SGMS2: variants seen among roughly 807,000 people sequenced by gnomAD.
SGMS2 encodes the protein sphingomyelin synthase 2.
SGMS2 carries 21 observed loss-of-function variants against 43.8 expected under a neutral mutation model. That is an observed-to-expected ratio of 0.48 (90% CI 0.34 to 0.69). The LOEUF (loss-of-function observed/expected upper bound fraction) is 0.69, where lower values mean the gene tolerates loss of function less well. SGMS2 is among the 30% of genes least tolerant of loss of function. The pLI is 0.01. For synonymous variants in SGMS2, 167 were observed against 160.6 expected (o/e 1.04, Z -0.30); for missense variants, 384 against 443.2 (o/e 0.87, Z 1.20).
At chr4:107,873,686 G>T (rs1728707671) in intron 2 of SGMS2, among the ~76,000 whole-genome samples, 1 of 151,972 alleles carries the variant, frequency 6.6e-6, no homozygotes, top group Non-Finnish European at 1.5e-5. Flanking sequence ...AGTTTTAATT[G>T]TGGTTCTGTA....
intron 2 of SGMS2, among the ~76,000 whole-genome samples, chr4:107,887,189 TCA>T (rs1436920475): frequency 2.0e-5 from 3 of 152,190 alleles, no homozygotes; most frequent in African/African-American, 7.2e-5. Flanking sequence ...TATTCTGATG[TCA>T]CAGTCTCCAC....
At chr4:107,848,473 A>C in intron 1 of SGMS2, among the ~76,000 whole-genome samples, 1 of 152,180 alleles carries the variant, frequency 6.6e-6, no homozygotes, top group East Asian at 1.9e-4. Flanking sequence ...GACTCTGTTT[A>C]GTTTTATAAG....
chr4:107,908,813 C>T (rs1731835150), intron 6 of SGMS2, 82 bp downstream of exon 6: 1 of 1,253,140 alleles, frequency 8.0e-7, no homozygotes, highest in Non-Finnish European at 1.1e-6. Flanking sequence ...TTTAGATAGC[C>T]TAATGGGGAT....
At chr4:107,841,791 A>G (rs1410478715) in intron 1 of SGMS2, among the ~76,000 whole-genome samples, 5 of 151,872 alleles carry the variant, frequency 3.3e-5, no homozygotes, top group African/African-American at 1.2e-4. Context: ...TGGGACTACC[A>G]TGCATGCCAC....
rs1732036369 is a variant in SGMS2, at chr4:107,910,524, A to C, written c.1069A>C (p.Ile357Leu). 1 of 1,614,016 alleles carries C rather than the reference A, an allele frequency of 6.2e-7. No individual in the cohort carries two copies. Among genetic ancestry groups the C allele is most frequent in the East Asian group, 2.2e-5 (1 of 44,840 alleles). ...CAAAAAGTATTCACGGGTTCAGAAG[A>C]TTGGTGAAGACAATGAGAAATCGAC... ...SCKKYSRVQK[I>L]GEDNEKST Residue 357 changes from isoleucine (I) to leucine (L), a missense_variant, in exon 7 of 7, where the codon ATT (isoleucine) becomes CTT (leucine). Physicochemically the swap from Ile to Leu is conservative, Grantham distance 5 (BLOSUM62 2). Transcript: ENST00000690982.
intron 2 of SGMS2, among the ~76,000 whole-genome samples, chr4:107,859,035 A>C (rs570913741): frequency 4.6e-5 from 7 of 152,360 alleles, no homozygotes; most frequent in African/African-American, 1.7e-4. Context: ...GAGCTGTGGC[A>C]GTTATACCCA....
Position 107,895,547 on chromosome 4 carries a change from G to A in SGMS2, c.-7G>A. On this transcript the variant is annotated 5_prime_UTR_variant, in exon 3 of 7. Coordinates refer to ENST00000690982, the MANE Select transcript of SGMS2 (RefSeq NM_001375905.1). ...CATCTCCTTTTTGATCTGAAGACTA[G>A]GGGACAATGGATATCATAGAGACAG... is the stretch of plus-strand genomic sequence containing the variant. The A allele has an allele frequency of 1.9e-6, 3 of 1,607,380 alleles. No homozygotes were observed. Among genetic ancestry groups the A allele is most frequent in the South Asian group, 2.2e-5 (2 of 90,150 alleles).
chr4:107,904,565 G>A lies in SGMS2; in HGVS notation c.727+1179G>A, dbSNP rs553539439. ...AAGTCTTTTTTGTGAGAATTGTAGC[G>A]TCTTTTTGTTGCTTCCTTTGTAAAT... is the stretch of plus-strand genomic sequence containing the variant. On this transcript the variant is annotated intron_variant, in intron 5 of 6. Coordinates refer to ENST00000690982, the MANE Select transcript of SGMS2 (RefSeq NM_001375905.1). 3.1e-4 allele frequency among the ~76,000 whole-genome samples: 47 copies of A among 152,280 alleles called. No homozygotes were observed. In the South Asian group the frequency reaches 6.8e-3, roughly 22 times the overall value.
intron 4 of SGMS2, among the ~76,000 whole-genome samples, chr4:107,902,811 A>C (rs1578657267): frequency 6.6e-6 from 1 of 152,148 alleles, no homozygotes; most frequent in Non-Finnish European, 1.5e-5. Context: ...CTGCCCACCT[A>C]ATACAAGATA....
Position 107,838,279 on chromosome 4 carries a change from G to T in SGMS2, c.-327+13026G>T, listed in dbSNP as rs557928325. Reference sequence around the variant, plus strand: ...TAAGATGAGAACACAATGTTTGTTGGGTTTAGCAATGTGGAGGATACTTGA... The same window carrying T: ...TAAGATGAGAACACAATGTTTGTTGTGTTTAGCAATGTGGAGGATACTTGA... On this transcript the variant is annotated intron_variant, in intron 1 of 6. Coordinates refer to ENST00000690982, the MANE Select transcript of SGMS2 (RefSeq NM_001375905.1). Among the ~76,000 whole-genome samples the T allele has an allele frequency of 5.4e-4, 82 of 152,214 alleles. 3 individuals are homozygous for T. In the South Asian group the frequency reaches 0.016, roughly 30 times the overall value.
intron 2 of SGMS2, among the ~76,000 whole-genome samples, chr4:107,894,622 T>C (rs1204017589): frequency 6.6e-6 from 1 of 152,204 alleles, no homozygotes; most frequent in Non-Finnish European, 1.5e-5. Context: ...ATTCTACTTG[T>C]TACCTGCGTG....
rs1360028717 is a variant in SGMS2 at position 107,910,758 on chromosome 4, CTTCA to C, written c.*212_*215del. ...GAGAAAGATACATTCTCTTGCAGCT[CTTCA>C]TTCATTGGTGACAAGCCCCCACCCC... On this transcript the variant is annotated 3_prime_UTR_variant, in exon 7 of 7. Coordinates refer to ENST00000690982, the MANE Select transcript of SGMS2 (RefSeq NM_001375905.1). 7.4e-6 allele frequency: 4 copies of C among 540,624 alleles called. No homozygotes were observed. Among genetic ancestry groups the C allele is most frequent in the Non-Finnish European group, 6.5e-6 (2 of 309,664 alleles). 33.5% of individuals were successfully genotyped at this position (540,624 alleles called of 1,614,324 possible).
chr4:107,912,083 TA>T lies in SGMS2; in HGVS notation c.*1533del. ...GAAAACATCCCCAAATGTATCATTA[TA>T]AACTAGTCAGCCTTGACTACACAAA... On this transcript the variant is annotated 3_prime_UTR_variant, in exon 7 of 7. Coordinates refer to ENST00000690982, the MANE Select transcript of SGMS2 (RefSeq NM_001375905.1). 6.6e-6 allele frequency: 1 copy of T among 152,338 alleles called. No homozygotes were observed. The highest frequency in any genetic ancestry group is 1.5e-5 in the Non-Finnish European group (1 of 68,034). 9.4% of individuals were successfully genotyped at this position (152,338 alleles called of 1,614,324 possible). A position where few individuals can be genotyped will look rare whatever the true frequency, so the allele number is the denominator to read the frequency against.
chr4:107,914,351 TAAAAGA>T lies in SGMS2; in HGVS notation c.*3805_*3810del, dbSNP rs770879394. 6.6e-6 allele frequency: 1 copy of T among 152,100 alleles called. No homozygotes were observed. The highest frequency in any genetic ancestry group is 1.5e-5 in the Non-Finnish European group (1 of 67,966). 9.4% of individuals were successfully genotyped at this position (152,100 alleles called of 1,614,324 possible). A position where few individuals can be genotyped will look rare whatever the true frequency, so the allele number is the denominator to read the frequency against. ...TGTGAAATTATTTAAAACTGTCCTT[TAAAAGA>T]AAAAGAGGAAACGATGAACAAAAAC... On this transcript the variant is annotated 3_prime_UTR_variant, in exon 7 of 7. Coordinates refer to ENST00000690982, the MANE Select transcript of SGMS2 (RefSeq NM_001375905.1).
chr4:107,841,564 A>T (rs1014711493), intron 1 of SGMS2, among the ~76,000 whole-genome samples: 1 of 152,078 alleles, frequency 6.6e-6, no homozygotes, highest in Non-Finnish European at 1.5e-5. Flanking sequence ...TGAAGTAGAG[A>T]CCAACACTAG....
At chr4:107,837,703 C>T (rs1726270832) in intron 1 of SGMS2, among the ~76,000 whole-genome samples, 1 of 152,056 alleles carries the variant, frequency 6.6e-6, no homozygotes. Flanking sequence ...GGGGTTAGAG[C>T]AGAAGCAAGG....
At position 107,876,373 on chromosome 4, in the gene SGMS2, A is replaced by G. The variant is rs77333367; in HGVS notation, c.-245+17820A>G. ...AGCACCTGGTTAAATGTTTCTCCTCAAGTCTCTGCCTTTATCTCCATACAG... is the reference window on the plus strand; with the variant it reads ...AGCACCTGGTTAAATGTTTCTCCTCGAGTCTCTGCCTTTATCTCCATACAG... On this transcript the variant is annotated intron_variant, in intron 2 of 6. Coordinates refer to ENST00000690982, the MANE Select transcript of SGMS2 (RefSeq NM_001375905.1). 1.0e-3 allele frequency among the ~76,000 whole-genome samples: 153 copies of G among 152,240 alleles called. 1 individual carries two copies. Among genetic ancestry groups the G allele is most frequent in the Admixed American group, 1.6e-3 (25 of 15,286 alleles).
chr4:107,854,573 G>T (rs773486921), intron 1 of SGMS2, among the ~76,000 whole-genome samples: 8 of 152,154 alleles, frequency 5.3e-5, no homozygotes, highest in Non-Finnish European at 1.2e-4. Flanking sequence ...GTGTTTTTAT[G>T]TGGCTATATT....
chr4:107,852,265 G>T (rs1727193056), intron 1 of SGMS2, among the ~76,000 whole-genome samples: 1 of 151,380 alleles, frequency 6.6e-6, no homozygotes, highest in African/African-American at 2.4e-5. Context: ...TTTTAGTAGA[G>T]ACGGGGTTTC....
Sources: gnomAD v4.1 joint callset for allele counts (sites outside exome capture counted in the v4.1 genomes callset) on GRCh38, gnomAD v4.1.1 for gene constraint, MANE v1.5 for transcripts, NCBI Gene and HGNC (gene_info 2026-07-23, HGNC 2026-07-21) for gene names.